Variants in CHRNB3 observed in about 807,000 individuals in gnomAD.
CHRNB3 encodes cholinergic receptor nicotinic beta 3 subunit.
In CHRNB3, 37 loss-of-function variants were observed where a neutral mutation model predicts 40.6. The observed-to-expected ratio is 0.91, with a 90% confidence interval of 0.70 to 1.20. The LOEUF is 1.20. Ranked by LOEUF, CHRNB3 falls within the 50% of genes most tolerant of loss-of-function variation. The pLI is 0.00. For synonymous variants in CHRNB3, 207 were observed against 207.1 expected, an observed-to-expected ratio of 1.00 and a Z score of 0.00; for missense variants, 505 against 551.2, an observed-to-expected ratio of 0.92 and a Z score of 0.84.
In CHRNB3 at chr8:42,697,374, G is replaced by A. The variant is rs1386773697; in HGVS notation, c.-173G>A. The A allele has an allele frequency of 3.5e-6, 2 of 577,916 alleles. No homozygotes were observed. Among genetic ancestry groups the A allele is most frequent in the Non-Finnish European group, 6.2e-6 (2 of 320,590 alleles). The allele number at this position is 577,916 out of a possible 1,614,324, so 35.8% of individuals were successfully genotyped here. On this transcript the variant is annotated 5_prime_UTR_variant, in exon 1 of 6. Coordinates refer to ENST00000289957, the MANE Select transcript of CHRNB3 (RefSeq NM_000749.5). Reference sequence around the variant, plus strand: ...TCAATGAAGTGCACTTTGAGAAGCGGCACACTCGGCGAGAGGGGTTGAGAT... The same window carrying A: ...TCAATGAAGTGCACTTTGAGAAGCGACACACTCGGCGAGAGGGGTTGAGAT...
chr8:42,725,462 T>TA, intron 3 of CHRNB3: 2 of 643,292 alleles, frequency 3.1e-6, no homozygotes, highest in East Asian at 2.8e-5. Flanking sequence ...TCTCTGAAGA[T>TA]ACTTGATAAA....
intron 1 of CHRNB3, among the ~76,000 whole-genome samples, chr8:42,706,249 G>A (rs1815920113): frequency 6.6e-6 from 1 of 152,134 alleles, no homozygotes; most frequent in East Asian, 1.9e-4. Context: ...TGGCCCGAGG[G>A]CTGGGGAGGA....
chr8:42,731,247 CGTT>C (rs1041487195), intron 4 of CHRNB3, among the ~76,000 whole-genome samples: 10 of 151,822 alleles, frequency 6.6e-5, no homozygotes, highest in African/African-American at 2.4e-4. Flanking sequence ...AGTTACCTGG[CGTT>C]GTGGTAGAAA....
intron 1 of CHRNB3, among the ~76,000 whole-genome samples, chr8:42,708,473 A>G (rs1815955850): frequency 9.2e-6 from 1 of 108,196 alleles, no homozygotes; most frequent in African/African-American, 2.9e-5. Context: ...CTCAAAAAAA[A>G]TACACACACA....
chr8:42,725,793 C>G (rs1371484312), intron 3 of CHRNB3: 1 of 887,080 alleles, frequency 1.1e-6, no homozygotes, highest in African/African-American at 1.6e-5. Context: ...CCCAGACAGA[C>G]TTCAGATTTG....
At chr8:42,697,717 G>A in intron 1 of CHRNB3, 119 bp downstream of exon 1, 1 of 766,644 alleles carries the variant, frequency 1.3e-6, no homozygotes, top group East Asian at 2.6e-5. Context: ...ATACATTTAG[G>A]ATAACCTTTA....
At chr8:42,726,765 C>T (rs978948621) in intron 3 of CHRNB3, among the ~76,000 whole-genome samples, 8 of 152,152 alleles carry the variant, frequency 5.3e-5, no homozygotes, top group African/African-American at 1.9e-4. Context: ...GCTGGGATTA[C>T]AGGCGTGAGC....
chr8:42,697,614 A>G lies in CHRNB3; in HGVS notation c.52+16A>G, dbSNP rs767273138. The stretch of plus-strand genomic sequence containing the variant: ...CCTTCCTCAGGTAAGCACAAGTCAC[A>G]GTAAATTAAAACTACAGTTGCAGAA... On this transcript the variant is annotated intron_variant, in intron 1 of 5. Coordinates refer to ENST00000289957, the MANE Select transcript of CHRNB3 (RefSeq NM_000749.5). The G allele has an allele frequency of 3.7e-6, 6 of 1,604,954 alleles. No individual in the cohort carries two copies. The highest frequency in any genetic ancestry group is 5.1e-6 in the Non-Finnish European group (6 of 1,171,890).
chr8:42,719,648 A>G (rs1400793950), intron 3 of CHRNB3, among the ~76,000 whole-genome samples: 2 of 152,144 alleles, frequency 1.3e-5, no homozygotes, highest in East Asian at 1.9e-4. Context: ...CCCTGTCTAA[A>G]AACAACAGAA....
chr8:42,711,068 T>C (rs1412555047), intron 3 of CHRNB3, among the ~76,000 whole-genome samples: 1 of 152,172 alleles, frequency 6.6e-6, no homozygotes, highest in Non-Finnish European at 1.5e-5. Flanking sequence ...GTCAGGGGAG[T>C]GTGCCCAAAG....
chr8:42,697,905 A>G (rs1309094381), intron 1 of CHRNB3, among the ~76,000 whole-genome samples: 1 of 152,232 alleles, frequency 6.6e-6, no homozygotes, highest in African/African-American at 2.4e-5. Flanking sequence ...TGCACTGAGC[A>G]TTACTCAGAG....
chr8:42,716,839 A>G (rs1045769379), intron 3 of CHRNB3, among the ~76,000 whole-genome samples: 2 of 152,110 alleles, frequency 1.3e-5, no homozygotes, highest in African/African-American at 2.4e-5. Flanking sequence ...GCGCTGTTGC[A>G]TATAAAAATA....
At chr8:42,727,393 AAG>A (rs1206202532) in intron 3 of CHRNB3, among the ~76,000 whole-genome samples, 5 of 151,574 alleles carry the variant, frequency 3.3e-5, no homozygotes, top group Non-Finnish European at 5.9e-5. Context: ...AAAAAAAAGA[AAG>A]AAAAAAGAAA....
Position 42,708,792 on chromosome 8 carries a change from G to C in CHRNB3, c.128G>C (p.Trp43Ser), listed in dbSNP as rs764815972. Residue 43 changes from tryptophan to serine, a missense_variant, in exon 2 of 6, where the codon TGG (tryptophan) becomes TCG (serine). Trp to Ser is a radical substitution (Grantham distance 177, BLOSUM62 -3). Coordinates refer to ENST00000289957, the MANE Select transcript of CHRNB3 (RefSeq NM_000749.5). ...CATTTGTTCCAAGGTTATCAGAAATGGGTCCGCCCTGTATTACATTCTAAT... is the reference window on the plus strand; with the variant it reads ...CATTTGTTCCAAGGTTATCAGAAATCGGTCCGCCCTGTATTACATTCTAAT... Reference protein sequence around the residue: ...LRHLFQGYQKWVRPVLHSNDT... With the variant: ...LRHLFQGYQKSVRPVLHSNDT... 3 of 1,614,034 alleles carry C rather than the reference G, an allele frequency of 1.9e-6. No individual in the cohort carries two copies. Among genetic ancestry groups the C allele is most frequent in the Admixed American group, 1.7e-5 (1 of 60,006 alleles).
chr8:42,698,619 T>C (rs1012288531), intron 1 of CHRNB3, among the ~76,000 whole-genome samples: 26 of 152,184 alleles, frequency 1.7e-4, no homozygotes, highest in African/African-American at 6.3e-4. Flanking sequence ...CAAACAGGAA[T>C]TTCTAAATGC....
At chr8:42,724,797 G>T (rs574626777) in intron 3 of CHRNB3, among the ~76,000 whole-genome samples, 1 of 151,956 alleles carries the variant, frequency 6.6e-6, no homozygotes, top group Non-Finnish European at 1.5e-5. Context: ...TGGCCAACAC[G>T]GTGAAACCCC....
In CHRNB3 at chr8:42,708,852, C is replaced by A. The variant is rs1399680497; in HGVS notation, c.188C>A (p.Ser63Tyr). Reference protein sequence around the residue: ...TIKVYFGLKISQLVDVDEKNQ... With the variant: ...TIKVYFGLKIYQLVDVDEKNQ... ...AAAGTATATTTTGGATTGAAAATAT[C>A]CCAGCTTGTAGATGTGGTGAGTAAT... Residue 63 changes from serine (S) to tyrosine (Y), a missense_variant, in exon 2 of 6, where the codon TCC becomes TAC. Transcript: ENST00000289957. The A allele has an allele frequency of 6.2e-7, 1 of 1,612,930 alleles. No individual in the cohort carries two copies. The highest frequency in any genetic ancestry group is 1.7e-5 in the Admixed American group (1 of 59,872).
chr8:42,708,474 T>TACACACACACACAC (rs4955), intron 1 of CHRNB3, among the ~76,000 whole-genome samples: 10 of 148,816 alleles, frequency 6.7e-5, no homozygotes, highest in East Asian at 6.0e-4. Flanking sequence ...TCAAAAAAAA[T>TACACACACACACAC]ACACACACAC....
chr8:42,723,061 A>G (rs755113380), intron 3 of CHRNB3, among the ~76,000 whole-genome samples: 1 of 142,980 alleles, frequency 7.0e-6, no homozygotes, highest in African/African-American at 2.5e-5. Context: ...TTACTAAAAT[A>G]TCGTAATAGG....
Sources: allele counts gnomAD v4.1 joint callset (sites outside exome capture counted in the v4.1 genomes callset), GRCh38; gene constraint gnomAD v4.1.1; transcripts MANE v1.5; gene names NCBI Gene and HGNC (gene_info 2026-07-23, HGNC 2026-07-21).